Variants in SYNDIG1L observed in about 807,000 individuals in gnomAD.
SYNDIG1L encodes the protein synapse differentiation inducing 1 like, also known as synapse differentiation-inducing gene protein 1-like.
In SYNDIG1L, 13 loss-of-function variants were observed where a neutral mutation model predicts 20.1. The observed-to-expected ratio is 0.65, with a 90% CI of 0.42 to 1.03. The LOEUF (loss-of-function observed/expected upper bound fraction) is 1.03, where lower values mean the gene tolerates loss of function less well. SYNDIG1L is among the 50% of genes least tolerant of loss of function. The pLI, the probability that SYNDIG1L is intolerant of heterozygous loss-of-function variation, is 0.00. For synonymous variants in SYNDIG1L, 128 were observed against 129.3 expected (o/e 0.99, Z 0.07); for missense variants, 294 against 305.1 (o/e 0.96, Z 0.27).
chr14:74,462,775 C>G, the SYNDIG1L span, among the ~76,000 whole-genome samples: 1 of 152,100 alleles, frequency 6.6e-6, no homozygotes, highest in African/African-American at 2.4e-5. Context: ...CAAAGTGCTG[C>G]AATTACAGGT....
At chr14:74,462,920 G>A in the SYNDIG1L span, among the ~76,000 whole-genome samples, 3 of 152,164 alleles carry the variant, frequency 2.0e-5, no homozygotes, top group Non-Finnish European at 4.4e-5. Flanking sequence ...GGAAGTGACA[G>A]TCCATCCCTT....
the SYNDIG1L span, chr14:74,476,489 C>T: frequency 6.4e-5 from 98 of 1,529,154 alleles, no homozygotes; most frequent in South Asian, 8.7e-4. Flanking sequence ...TGACATGCCA[C>T]GTCTGCTCCA....
chr14:74,446,875 C>T, the SYNDIG1L span, among the ~76,000 whole-genome samples: 1 of 152,126 alleles, frequency 6.6e-6, no homozygotes, highest in East Asian at 1.9e-4. Context: ...CCTCATCCTC[C>T]CAAAGTCCTA....
chr14:74,477,051 CACACACACACACACACACACACACA>C, the SYNDIG1L span, among the ~76,000 whole-genome samples: 1 of 43,150 alleles, frequency 2.3e-5, no homozygotes, highest in Non-Finnish European at 5.5e-5. Flanking sequence ...CACACACACA[CACACACACACACACACACACACACA>C]CACACACACA....
chr14:74,471,226 C>G, the SYNDIG1L span, among the ~76,000 whole-genome samples: 1 of 152,154 alleles, frequency 6.6e-6, no homozygotes, highest in Non-Finnish European at 1.5e-5. Flanking sequence ...TTGATCCTCT[C>G]GATCCTCTGC....
the SYNDIG1L span, among the ~76,000 whole-genome samples, chr14:74,471,166 T>C: frequency 6.6e-6 from 1 of 152,084 alleles, no homozygotes; most frequent in Non-Finnish European, 1.5e-5. Context: ...CCCCATCACC[T>C]CCCTCACGAT....
At chr14:74,464,870 T>C in the SYNDIG1L span, among the ~76,000 whole-genome samples, 6 of 152,204 alleles carry the variant, frequency 3.9e-5, no homozygotes, top group Admixed American at 1.3e-4. Context: ...GAGTTATTAA[T>C]AGCCTCATTA....
At chr14:74,447,586 CAA>C in the SYNDIG1L span, among the ~76,000 whole-genome samples, 63,947 of 131,432 alleles carry the variant, frequency 0.49, 14,483 homozygotes, top group African/African-American at 0.6. Context: ...AACTCTGTCT[CAA>C]AAAAAAAAAA....
rs978652747 is a variant in SYNDIG1L at position 74,407,527 on chromosome 14, A to G, written c.*8T>C. 1 of 1,613,478 alleles carries G rather than the reference A, an allele frequency of 6.2e-7. No homozygotes were observed. The highest frequency in any genetic ancestry group is 8.5e-7 in the Non-Finnish European group (1 of 1,179,832). On this transcript the variant is annotated 3_prime_UTR_variant, in exon 4 of 4. Transcript: ENST00000331628. ...GCAGGGGAGTCAGGATGCAGGCCCT[A>G]CTGGCTACTAGCCATGACCGTTCTG...
the SYNDIG1L span, among the ~76,000 whole-genome samples, chr14:74,436,469 C>A: frequency 6.6e-6 from 1 of 151,998 alleles, no homozygotes; most frequent in African/African-American, 2.4e-5. Flanking sequence ...AAACTCCTGG[C>A]TTCAAGTGAT....
the SYNDIG1L span, among the ~76,000 whole-genome samples, chr14:74,433,583 C>T: frequency 6.6e-6 from 1 of 152,220 alleles, no homozygotes; most frequent in South Asian, 2.1e-4. Flanking sequence ...CGGTGTTTCA[C>T]CGTGTTGCCC....
At position 74,406,194 on chromosome 14, in the gene SYNDIG1L, G is replaced by C; in HGVS notation, c.*1341C>G. ...AAATTCTGGATGTGCCCTAGTGGCTGAGGGTGTTGAGACTGGCACTGAGCA... is the reference window on the plus strand; with the variant it reads ...AAATTCTGGATGTGCCCTAGTGGCTCAGGGTGTTGAGACTGGCACTGAGCA... On this transcript the variant is annotated 3_prime_UTR_variant, in exon 4 of 4. Transcript: ENST00000331628. The C allele has an allele frequency of 2.5e-6, 1 of 398,152 alleles. No homozygotes were observed. The highest frequency in any genetic ancestry group is 4.4e-6 in the Non-Finnish European group (1 of 226,140). 24.7% of individuals were successfully genotyped at this position (398,152 alleles called of 1,614,324 possible). A position where few individuals can be genotyped will look rare whatever the true frequency, so the allele number is the denominator to read the frequency against.
At chr14:74,445,120 A>C in the SYNDIG1L span, among the ~76,000 whole-genome samples, 1 of 152,082 alleles carries the variant, frequency 6.6e-6, no homozygotes, top group Admixed American at 6.6e-5. Flanking sequence ...ATGAGTTCAC[A>C]TGAGACCTGG....
the SYNDIG1L span, among the ~76,000 whole-genome samples, chr14:74,450,728 A>G: frequency 6.6e-6 from 1 of 152,298 alleles, no homozygotes; most frequent in East Asian, 1.9e-4. Flanking sequence ...AAATATTTTC[A>G]GATCATATAT....
In SYNDIG1L at chr14:74,407,433, G is replaced by A. The variant is rs1033615926; in HGVS notation, c.*102C>T. On this transcript the variant is annotated 3_prime_UTR_variant, in exon 4 of 4. Coordinates refer to ENST00000331628, the MANE Select transcript of SYNDIG1L (RefSeq NM_001105579.2). ...TCCCCCTCAGCAAGCCACTCTCACGGGATCATCTTCAGGGGCCGGGCCTTT... is the reference window on the plus strand; with the variant it reads ...TCCCCCTCAGCAAGCCACTCTCACGAGATCATCTTCAGGGGCCGGGCCTTT... 1.1e-4 allele frequency: 171 copies of A among 1,522,544 alleles called. No individual in the cohort carries two copies. Among genetic ancestry groups the A allele is most frequent in the Middle Eastern group, 8.6e-4 (4 of 4,676 alleles). 94.3% of individuals were successfully genotyped at this position (1,522,544 alleles called of 1,614,324 possible).
the SYNDIG1L span, among the ~76,000 whole-genome samples, chr14:74,458,961 C>T: frequency 3.9e-5 from 6 of 151,974 alleles, no homozygotes; most frequent in African/African-American, 1.2e-4. Flanking sequence ...GTGATGGTGT[C>T]GGGGCTGTGG....
At chr14:74,423,191 G>A (rs967226012) in intron 1 of SYNDIG1L, among the ~76,000 whole-genome samples, 4 of 152,090 alleles carry the variant, frequency 2.6e-5, no homozygotes, top group Admixed American at 2.0e-4. Flanking sequence ...GCAGCCAATG[G>A]GTAGTTTTCC....
chr14:74,411,877 G>T (rs1207648235), intron 1 of SYNDIG1L, among the ~76,000 whole-genome samples: 1 of 152,218 alleles, frequency 6.6e-6, no homozygotes, highest in Non-Finnish European at 1.5e-5. Flanking sequence ...TCAGAGAAGG[G>T]GTTGTGGCCC....
chr14:74,427,121 T>A (rs1190186317), upstream of SYNDIG1L, among the ~76,000 whole-genome samples: 1 of 148,032 alleles, frequency 6.8e-6, no homozygotes, highest in Admixed American at 6.7e-5. Flanking sequence ...GCGTTTCCTT[T>A]TTTTTTTTTT....
Sources: allele counts gnomAD v4.1 joint callset (sites outside exome capture counted in the v4.1 genomes callset), GRCh38; gene constraint gnomAD v4.1.1; transcripts MANE v1.5; gene names NCBI Gene and HGNC (gene_info 2026-07-23, HGNC 2026-07-21).